The following COL4A4 variants were observed in gnomAD, a reference collection of about 807,000 sequenced individuals.
COL4A4 encodes collagen alpha-4(IV) chain.
Under a neutral mutation model 192.9 loss-of-function variants are expected in COL4A4, and 105 were observed. The observed-to-expected ratio is 0.54, with a 90% confidence interval of 0.46 to 0.64. The LOEUF is 0.64. COL4A4 is among the 30% of genes least tolerant of loss of function. The pLI is 0.00. For synonymous variants in COL4A4, 762 were observed against 769.9 expected (o/e 0.99, Z 0.17); for missense variants, 1,967 against 2,169.3 (o/e 0.91, Z 1.85).
At chr2:227,100,064 CTACATTT>C (rs2060421721) in intron 17 of COL4A4, among the ~76,000 whole-genome samples, 1 of 152,204 alleles carries the variant, frequency 6.6e-6, no homozygotes, top group South Asian at 2.1e-4. Context: ...AGGTCCGAAT[CTACATTT>C]TATTTTAGCA....
chr2:227,077,893 C>T lies in COL4A4; in HGVS notation c.1987+1G>A, dbSNP rs2150474860. On this transcript the variant is annotated splice_donor_variant, in intron 25 of 47. Transcript: ENST00000396625. LOFTEE classifies it high-confidence loss of function. ...AATAAATAAAATTTTTTTAAAATTACCTTTCTGACCCTTCAAGCCATCAGG... is the reference window on the plus strand; with the variant it reads ...AATAAATAAAATTTTTTTAAAATTATCTTTCTGACCCTTCAAGCCATCAGG... The T allele has an allele frequency of 6.2e-7, 1 of 1,611,922 alleles. No homozygotes were observed. Among genetic ancestry groups the T allele is most frequent in the Non-Finnish European group, 8.5e-7 (1 of 1,179,724 alleles).
rs565182365 is a variant in COL4A4, at chr2:227,064,181, T to C, written c.1988-1583A>G. 4.9e-3 allele frequency among the ~76,000 whole-genome samples: 748 copies of C among 152,196 alleles called. 7 individuals carry two copies. The highest frequency in any genetic ancestry group is 0.017 in the African/African-American group (721 of 41,554). ...AATAAATTTAAAAAGCAATTCAGGATATGAACAAAAAAATTCTCTAGACAG... is the reference window on the plus strand; with the variant it reads ...AATAAATTTAAAAAGCAATTCAGGACATGAACAAAAAAATTCTCTAGACAG... On this transcript the variant is annotated intron_variant, in intron 25 of 47. Coordinates refer to ENST00000396625, the MANE Select transcript of COL4A4 (RefSeq NM_000092.5).
intron 18 of COL4A4, 87 bp downstream of exon 18, chr2:227,099,533 T>G: frequency 8.2e-7 from 1 of 1,218,870 alleles, no homozygotes; most frequent in Non-Finnish European, 1.2e-6. Context: ...GTGCAAGCTA[T>G]GGAAATACTG....
In COL4A4 at chr2:227,094,272, CA is replaced by C. The variant is rs1576457876; in HGVS notation, c.1221del (p.Pro409HisfsTer49). On this transcript the variant is annotated frameshift_variant, in exon 20 of 48. Transcript: ENST00000396625. LOFTEE classifies it high-confidence loss of function. ...GGAAGACCAGGAAATCCTTGTGGCCCAGGGGGTCCTATCATGCCTGCAAGAT... is the reference window on the plus strand; with the variant it reads ...GGAAGACCAGGAAATCCTTGTGGCCCGGGGGTCCTATCATGCCTGCAAGAT... Reference protein sequence around the residue: ...GEACAGMIGPPGPQGFPGLPG... With the variant: ...GEACAGMIGPXGPQGFPGLPG... The C allele has an allele frequency of 6.2e-7, 1 of 1,613,766 alleles. No homozygotes were observed. Among genetic ancestry groups the C allele is most frequent in the Middle Eastern group, 1.7e-4 (1 of 5,960 alleles).
intron 46 of COL4A4, among the ~76,000 whole-genome samples, chr2:227,008,930 A>T (rs942801675): frequency 6.6e-6 from 1 of 152,150 alleles, no homozygotes; most frequent in Non-Finnish European, 1.5e-5. Context: ...AGGAGTTTGG[A>T]CTTTATCCCA....
At chr2:227,148,592 A>C (rs1037907196) in intron 1 of COL4A4, among the ~76,000 whole-genome samples, 6 of 152,198 alleles carry the variant, frequency 3.9e-5, no homozygotes, top group African/African-American at 1.4e-4. Context: ...AACTTTAAAA[A>C]AGTTAAAATG....
At chr2:226,986,593 C>G in the COL4A4 span, among the ~76,000 whole-genome samples, 12 of 152,298 alleles carry the variant, frequency 7.9e-5, no homozygotes, top group Non-Finnish European at 7.4e-5. Flanking sequence ...CTCATCATCA[C>G]TGGTCATTAG....
At chr2:227,073,526 T>C (rs1039804177) in intron 25 of COL4A4, among the ~76,000 whole-genome samples, 3 of 151,920 alleles carry the variant, frequency 2.0e-5, no homozygotes, top group Admixed American at 6.6e-5. Context: ...TCATTTTTCA[T>C]AGAATTAGAA....
rs1961952846 is a variant in COL4A4, at chr2:227,005,726, T to G, written c.*1599A>C. On this transcript the variant is annotated 3_prime_UTR_variant, in exon 48 of 48. Transcript: ENST00000396625. ...CATTTCTTATAAACAAAATTTTAAT[T>G]GAGTTTTTCTTCTCAATTATTTTTA... The G allele has an allele frequency of 6.6e-6, 1 of 152,226 alleles. No individual in the cohort carries two copies. The highest frequency in any genetic ancestry group is 2.4e-5 in the African/African-American group (1 of 41,442). The allele number at this position is 152,226 out of a possible 1,614,324, so 9.4% of individuals were successfully genotyped here.
At chr2:227,087,484 A>G (rs1225676017) in intron 22 of COL4A4, among the ~76,000 whole-genome samples, 1 of 152,126 alleles carries the variant, frequency 6.6e-6, no homozygotes, top group Non-Finnish European at 1.5e-5. Flanking sequence ...CAGTGGCTCA[A>G]ACAAAAAACC....
At chr2:227,053,684 A>C (rs1974665018) in intron 31 of COL4A4, among the ~76,000 whole-genome samples, 1 of 151,346 alleles carries the variant, frequency 6.6e-6, no homozygotes, top group African/African-American at 2.4e-5. Context: ...AGTAGCTGGG[A>C]CTACAGGTGC....
chr2:227,120,227 C>T (rs1274757688), intron 5 of COL4A4, among the ~76,000 whole-genome samples: 2 of 152,212 alleles, frequency 1.3e-5, no homozygotes, highest in Non-Finnish European at 2.9e-5. Flanking sequence ...AAACCCTTAA[C>T]TGTGAACACA....
chr2:227,074,857 T>C (rs1348445944), intron 25 of COL4A4, among the ~76,000 whole-genome samples: 2 of 152,068 alleles, frequency 1.3e-5, no homozygotes, highest in Non-Finnish European at 2.9e-5. Flanking sequence ...GTGATGAGTA[T>C]GCAAAGGCAT....
At chr2:227,088,541 C>T (rs2059724511) in intron 22 of COL4A4, 112 bp downstream of exon 22, 3 of 1,401,628 alleles carry the variant, frequency 2.1e-6, no homozygotes, top group East Asian at 2.3e-5. Context: ...GTCAATTAAA[C>T]CTCTTTCCTT....
upstream of COL4A4, chr2:227,164,356 G>C (rs1343418661): frequency 2.8e-6 from 1 of 363,364 alleles, no homozygotes; most frequent in Admixed American, 4.7e-5. This position sits in a 1 kb window ranked among gnomAD's most constrained non-coding sequence, Gnocchi z 4.8. Context: ...CCCCGCCTGG[G>C]CCCCCGGACC....
chr2:227,078,669 C>T (rs999764642), intron 24 of COL4A4, among the ~76,000 whole-genome samples: 1 of 152,162 alleles, frequency 6.6e-6, no homozygotes, highest in Non-Finnish European at 1.5e-5. Context: ...TCTCTAATAT[C>T]ATATGTCATA....
Position 227,077,996 on chromosome 2 carries a change from G to T in COL4A4, c.1885C>A (p.Pro629Thr). Residue 629 changes from proline (P) to threonine (T), a missense_variant, in exon 25 of 48, where the codon CCC (proline) becomes ACC (threonine). Coordinates refer to ENST00000396625, the MANE Select transcript of COL4A4 (RefSeq NM_000092.5). ...GGACCAGGAAATCCCAGTCCTGGGG[G>T]CCCCACAGGTCCTGCTTTGCCTGGG... ...GPPGKAGPVGPPGLGFPGPPG... is the reference protein window; with the variant it reads ...GPPGKAGPVGTPGLGFPGPPG... 6.2e-6 allele frequency: 10 copies of T among 1,613,892 alleles called. No individual in the cohort carries two copies. Among genetic ancestry groups the T allele is most frequent in the Non-Finnish European group, 8.5e-6 (10 of 1,179,996 alleles).
intron 46 of COL4A4, among the ~76,000 whole-genome samples, chr2:227,008,805 A>C (rs2149727534): frequency 6.6e-6 from 1 of 152,338 alleles, no homozygotes; most frequent in East Asian, 1.9e-4. Context: ...TGGAGCTCAG[A>C]GAACTCAGAC....
intron 25 of COL4A4, among the ~76,000 whole-genome samples, chr2:227,074,094 A>G (rs2058882507): frequency 6.6e-6 from 1 of 152,120 alleles, no homozygotes; most frequent in African/African-American, 2.4e-5. Context: ...AAAAAAATAA[A>G]TAAGTAGAGT....
Sources: gnomAD v4.1 joint callset for allele counts (sites outside exome capture counted in the v4.1 genomes callset) on GRCh38, gnomAD v4.1.1 for gene constraint, Gnocchi (gnomAD v3.1) non-coding constraint, MANE v1.5 for transcripts, NCBI Gene and HGNC (gene_info 2026-07-23, HGNC 2026-07-21) for gene names.